The following PDE4D variants were observed in gnomAD, a reference collection of about 807,000 sequenced individuals.
PDE4D encodes 3',5'-cyclic-AMP phosphodiesterase 4D.
PDE4D carries 24 observed loss-of-function variants against 87.4 expected under a neutral mutation model. That is an observed-to-expected ratio of 0.27 (90% confidence interval 0.20 to 0.39). PDE4D has a LOEUF of 0.39. PDE4D is among the 10% of genes least tolerant of loss of function. The probability of loss-of-function intolerance (pLI) is 1.00; values close to 1 mark genes in which losing one functional copy is unlikely to be tolerated. For synonymous variants in PDE4D, 384 were observed against 383.2 expected (o/e 1.00, Z -0.02); for missense variants, 714 against 1,041.0 (o/e 0.69, Z 4.32).
chr5:59,116,813 A>G (rs1171296412), intron 5 of PDE4D, among the ~76,000 whole-genome samples: 2 of 152,212 alleles, frequency 1.3e-5, no homozygotes, highest in East Asian at 1.9e-4. Flanking sequence ...CAGAAATGAC[A>G]GCAGGAATGA....
intron 1 of PDE4D, among the ~76,000 whole-genome samples, chr5:59,330,112 T>G (rs1213903811): frequency 6.6e-6 from 1 of 152,146 alleles, no homozygotes; most frequent in Non-Finnish European, 1.5e-5. Context: ...ATCACGTTAA[T>G]TAATGAATGA....
chr5:59,574,106 A>ATT (rs1822571592), intron 1 of PDE4D, among the ~76,000 whole-genome samples: 1 of 35,910 alleles, frequency 2.8e-5, no homozygotes, highest in African/African-American at 1.5e-4. Flanking sequence ...ATATATATTT[A>ATT]TATATATATA....
rs143848755 is a variant in PDE4D, at chr5:59,018,711, A to G, written c.921+20148T>C. ...TTATAGCTTCCCAAATAAGGTTCTA[A>G]TAATTCACAAAAGTGTTGTTCCCTA... On this transcript the variant is annotated intron_variant, in intron 6 of 14. Transcript: ENST00000340635. Among the ~76,000 whole-genome samples, 398 of 152,308 alleles carry G rather than the reference A, an allele frequency of 2.6e-3. 3 individuals are homozygous for G. Among genetic ancestry groups the G allele is most frequent in the African/African-American group, 9.2e-3 (381 of 41,570 alleles).
At chr5:60,207,270 A>G (rs1742653104) in intron 1 of PDE4D, among the ~76,000 whole-genome samples, 1 of 152,242 alleles carries the variant, frequency 6.6e-6, no homozygotes, top group South Asian at 2.1e-4. Context: ...GCTGAGGTAA[A>G]TAACCTAAGA....
At chr5:59,137,628 G>A (rs1042370029) in intron 5 of PDE4D, among the ~76,000 whole-genome samples, 1 of 151,018 alleles carries the variant, frequency 6.6e-6, no homozygotes, top group Non-Finnish European at 1.5e-5. Context: ...CCGGGTTCAC[G>A]CCATTCTCCT....
intron 1 of PDE4D, among the ~76,000 whole-genome samples, chr5:60,420,687 T>C (rs775208295): frequency 9.2e-5 from 14 of 152,226 alleles, no homozygotes; most frequent in East Asian, 3.9e-4. Flanking sequence ...GTTCATCTCA[T>C]TGGGACTGAT....
chr5:60,353,861 G>T (rs1313448238), intron 1 of PDE4D, among the ~76,000 whole-genome samples: 1 of 152,128 alleles, frequency 6.6e-6, no homozygotes, highest in Non-Finnish European at 1.5e-5. Flanking sequence ...CACTGGGCCA[G>T]GGTCTTCAAT....
chr5:59,666,245 A>G (rs1361395167), intron 1 of PDE4D, among the ~76,000 whole-genome samples: 9 of 152,140 alleles, frequency 5.9e-5, no homozygotes, highest in African/African-American at 2.2e-4. Context: ...ACAGCCGTGA[A>G]CCACTGTGCC....
At chr5:59,646,982 C>T (rs1742564777) in intron 1 of PDE4D, among the ~76,000 whole-genome samples, 1 of 152,098 alleles carries the variant, frequency 6.6e-6, no homozygotes, top group African/African-American at 2.4e-5. Context: ...TTGCAGTGAG[C>T]CGAGATCACG....
chr5:59,930,709 A>G (rs1030331741), intron 3 of PDE4D, among the ~76,000 whole-genome samples: 10 of 152,202 alleles, frequency 6.6e-5, no homozygotes, highest in Admixed American at 2.6e-4. Flanking sequence ...AAAACCAGGC[A>G]GAGTAGGGGC....
At chr5:59,099,804 C>G (rs1770420466) in intron 5 of PDE4D, among the ~76,000 whole-genome samples, 1 of 152,140 alleles carries the variant, frequency 6.6e-6, no homozygotes, top group Non-Finnish European at 1.5e-5. Context: ...TACCTCTTAT[C>G]TCTTCTTCGA....
chr5:60,268,196 A>G (rs1305875527), intron 1 of PDE4D, among the ~76,000 whole-genome samples: 1 of 152,178 alleles, frequency 6.6e-6, no homozygotes, highest in East Asian at 1.9e-4. Flanking sequence ...AAGAAAACAA[A>G]CATTCTCAAG....
At chr5:59,417,599 C>T (rs1265686595) in intron 1 of PDE4D, among the ~76,000 whole-genome samples, 1 of 151,796 alleles carries the variant, frequency 6.6e-6, no homozygotes, top group Admixed American at 6.6e-5. Context: ...AAGCTCATGG[C>T]TAACTTTCAC....
At chr5:59,496,558 T>C (rs1807238647) in intron 1 of PDE4D, among the ~76,000 whole-genome samples, 2 of 152,068 alleles carry the variant, frequency 1.3e-5, no homozygotes, top group Admixed American at 6.6e-5. Context: ...CCACCAGCTC[T>C]GAAAAGTGGT....
chr5:59,393,985 TA>T (rs1298583820), intron 1 of PDE4D, among the ~76,000 whole-genome samples: 1 of 152,256 alleles, frequency 6.6e-6, no homozygotes, highest in Non-Finnish European at 1.5e-5. Flanking sequence ...TATCTGTCAC[TA>T]GAGCCATTGT....
chr5:59,017,069 ACT>A (rs1754153503), intron 6 of PDE4D, among the ~76,000 whole-genome samples: 1 of 152,156 alleles, frequency 6.6e-6, no homozygotes, highest in Admixed American at 6.6e-5. Context: ...GGGGCACAGC[ACT>A]CTCAACAAAG....
intron 2 of PDE4D, among the ~76,000 whole-genome samples, chr5:60,139,390 G>A (rs559810977): frequency 3.4e-4 from 51 of 151,900 alleles, no homozygotes; most frequent in Non-Finnish European, 6.9e-4. Context: ...TTCATAATAG[G>A]AGGCATTATA....
At chr5:59,296,619 A>C (rs1769151251) in intron 1 of PDE4D, among the ~76,000 whole-genome samples, 1 of 152,114 alleles carries the variant, frequency 6.6e-6, no homozygotes, top group Non-Finnish European at 1.5e-5. Flanking sequence ...TGTTACAAAT[A>C]AGGAATAATT....
At chr5:60,372,205 T>C (rs903903354) in intron 1 of PDE4D, among the ~76,000 whole-genome samples, 1 of 151,568 alleles carries the variant, frequency 6.6e-6, no homozygotes, top group East Asian at 1.9e-4. Context: ...TAGATTTCAT[T>C]TGCATTTCCT....
Sources: gnomAD v4.1 joint callset for allele counts (sites outside exome capture counted in the v4.1 genomes callset) on GRCh38, gnomAD v4.1.1 for gene constraint, MANE v1.5 for transcripts, NCBI Gene and HGNC (gene_info 2026-07-23, HGNC 2026-07-21) for gene names.